The following EYS variants were observed in gnomAD, a reference collection of about 807,000 sequenced individuals.
The protein encoded by EYS is protein eyes shut homolog.
EYS carries 250 observed loss-of-function variants against 282.1 expected under a neutral mutation model. That is an observed-to-expected ratio of 0.89 (90% confidence interval 0.80 to 0.98). EYS has a LOEUF of 0.98. EYS is among the 50% of genes least tolerant of loss of function. The pLI, the probability that EYS is intolerant of heterozygous loss-of-function variation, is 0.00. For synonymous variants in EYS, 1,355 were observed against 1,282.9 expected (o/e 1.06, Z -1.20); for missense variants, 4,016 against 3,709.0 (o/e 1.08, Z -2.15).
intron 30 of EYS, among the ~76,000 whole-genome samples, chr6:64,302,393 T>G (rs1350546249): frequency 2.0e-5 from 3 of 152,184 alleles, no homozygotes; most frequent in Admixed American, 1.3e-4. Context: ...CACACATCCC[T>G]AAATTTGGAA....
In EYS at chr6:63,973,792, T is replaced by C. The variant is rs776002976; in HGVS notation, c.7055+10591A>G. 1.7e-3 allele frequency among the ~76,000 whole-genome samples: 252 copies of C among 152,254 alleles called. 3 individuals are homozygous for C. The highest frequency in any genetic ancestry group is 6.8e-3 in the Admixed American group (104 of 15,288). ...ACCAATACCCAGATTTATTGTCCAG[T>C]GTTTTCTCATGTAGTTTATATACTC... On this transcript the variant is annotated intron_variant, in intron 35 of 42. Coordinates refer to ENST00000503581, the MANE Select transcript of EYS (RefSeq NM_001142800.2).
At chr6:65,098,056 A>T (rs1016740997) in intron 12 of EYS, among the ~76,000 whole-genome samples, 2 of 150,590 alleles carry the variant, frequency 1.3e-5, no homozygotes, top group Non-Finnish European at 3.0e-5. Context: ...TCATATCTCA[A>T]AATGTCCTAC....
intron 33 of EYS, among the ~76,000 whole-genome samples, chr6:64,016,725 G>T (rs1768910911): frequency 6.6e-6 from 1 of 152,080 alleles, no homozygotes; most frequent in East Asian, 1.9e-4. Context: ...ATCTGCCTAT[G>T]TTGGCCTCCC....
chr6:65,460,029 A>C (rs1301317475), intron 5 of EYS, among the ~76,000 whole-genome samples: 2 of 137,256 alleles, frequency 1.5e-5, no homozygotes, highest in East Asian at 4.2e-4. Context: ...ATGTATTAAT[A>C]TAATATATAT....
intron 31 of EYS, among the ~76,000 whole-genome samples, chr6:64,160,982 C>G (rs1227661029): frequency 6.6e-6 from 1 of 152,068 alleles, no homozygotes; most frequent in Non-Finnish European, 1.5e-5. Context: ...GCCTCACAGG[C>G]CTCAGAGAAT....
chr6:64,512,927 AT>A (rs543933304), intron 26 of EYS, among the ~76,000 whole-genome samples: 61 of 151,730 alleles, frequency 4.0e-4, no homozygotes, highest in African/African-American at 1.4e-3. Flanking sequence ...TTTATTTTTA[AT>A]TTTTTTCTGA....
chr6:65,317,464 T>G (rs962129269), intron 11 of EYS, among the ~76,000 whole-genome samples: 1 of 152,230 alleles, frequency 6.6e-6, no homozygotes, highest in African/African-American at 2.4e-5. Context: ...TGTTTTCCTA[T>G]TGTTACGGTC....
intron 12 of EYS, among the ~76,000 whole-genome samples, chr6:65,105,015 A>G (rs1774994689): frequency 6.6e-6 from 1 of 151,708 alleles, no homozygotes; most frequent in African/African-American, 2.4e-5. Flanking sequence ...TCTTTCCACT[A>G]GTCTTTCCAC....
At chr6:64,373,293 G>A (rs1772446804) in intron 29 of EYS, among the ~76,000 whole-genome samples, 2 of 152,266 alleles carry the variant, frequency 1.3e-5, no homozygotes, top group South Asian at 4.2e-4. Flanking sequence ...GTGCTTGGTT[G>A]AATGGCTTCA....
At chr6:64,372,036 G>A (rs1412719725) in intron 29 of EYS, among the ~76,000 whole-genome samples, 1 of 149,652 alleles carries the variant, frequency 6.7e-6, no homozygotes. Context: ...GTATTGACAT[G>A]TGCAGATTTG....
At chr6:63,818,342 A>T (rs1208406048) in intron 36 of EYS, among the ~76,000 whole-genome samples, 1 of 152,134 alleles carries the variant, frequency 6.6e-6, no homozygotes, top group East Asian at 1.9e-4. Context: ...TTTTATGCTG[A>T]TTTTCATAGT....
intron 2 of EYS, among the ~76,000 whole-genome samples, chr6:65,565,501 G>T (rs187643600): frequency 1.3e-5 from 2 of 152,054 alleles, no homozygotes; most frequent in Non-Finnish European, 2.9e-5. Context: ...CTGTTGGTGG[G>T]AGTATAAATT....
intron 2 of EYS, among the ~76,000 whole-genome samples, chr6:65,611,882 T>C (rs1766013880): frequency 1.3e-5 from 2 of 152,020 alleles, no homozygotes; most frequent in African/African-American, 4.8e-5. Flanking sequence ...TTAGGAAACA[T>C]TGCTCAAAAG....
At chr6:65,361,363 TA>T (rs10707255) in intron 8 of EYS, among the ~76,000 whole-genome samples, 102,647 of 151,612 alleles carry the variant, frequency 0.68, 34,824 homozygotes, top group South Asian at 0.71. Context: ...TAAAGTATAA[TA>T]AAAAAAAAGA....
Position 65,691,517 on chromosome 6 carries a change from T to C in EYS, c.-448+15618A>G. Among the ~76,000 whole-genome samples the C allele has an allele frequency of 1.3e-5, 2 of 150,318 alleles. 1 individual carries two copies. The highest frequency in any genetic ancestry group is 3.0e-5 in the Non-Finnish European group (2 of 67,738). On this transcript the variant is annotated intron_variant, in intron 1 of 42. Transcript: ENST00000503581. Reference sequence around the variant, plus strand: ...AGATGGATAGATTGCAAAAATATTCTCCCATTCTGTAGGCTGCCTGTTCAC... The same window carrying C: ...AGATGGATAGATTGCAAAAATATTCCCCCATTCTGTAGGCTGCCTGTTCAC...
At chr6:65,543,025 T>C (rs1165791764) in intron 2 of EYS, among the ~76,000 whole-genome samples, 1 of 152,126 alleles carries the variant, frequency 6.6e-6, no homozygotes, top group Non-Finnish European at 1.5e-5. Flanking sequence ...TTTACTTTTA[T>C]TTATTTATTT....
At chr6:64,628,436 G>T (rs1767678819) in intron 22 of EYS, among the ~76,000 whole-genome samples, 1 of 151,910 alleles carries the variant, frequency 6.6e-6, no homozygotes, top group Non-Finnish European at 1.5e-5. Context: ...TTTGAGACAG[G>T]TTCTTTCTCT....
chr6:64,359,453 A>G (rs1426273672), intron 29 of EYS, among the ~76,000 whole-genome samples: 1 of 151,696 alleles, frequency 6.6e-6, no homozygotes. Flanking sequence ...CACTTGAAGT[A>G]TGTCATTTGT....
chr6:63,831,224 C>T (rs948343316), intron 36 of EYS, among the ~76,000 whole-genome samples: 1 of 152,094 alleles, frequency 6.6e-6, no homozygotes, highest in Non-Finnish European at 1.5e-5. Context: ...CAATATTAAC[C>T]TTAAATGTAA....
Sources: gnomAD v4.1 joint callset for allele counts (sites outside exome capture counted in the v4.1 genomes callset) on GRCh38, gnomAD v4.1.1 for gene constraint, MANE v1.5 for transcripts, NCBI Gene and HGNC (gene_info 2026-07-23, HGNC 2026-07-21) for gene names.